The following NIN variants were observed in gnomAD, a reference collection of about 807,000 sequenced individuals.
NIN encodes glycogen synthase kinase 3 beta-interacting protein.
Under a neutral mutation model 257.6 loss-of-function variants are expected in NIN, and 137 were observed. That is an observed-to-expected ratio of 0.53 (90% confidence interval 0.46 to 0.61). The LOEUF is 0.61. Among genes scored for constraint, NIN ranks in the 20% least tolerant of loss-of-function variants. The pLI is 0.00. For synonymous variants in NIN, 918 were observed against 919.8 expected, an observed-to-expected ratio of 1.00 and a Z score of 0.04; for missense variants, 2,439 against 2,501.2, an observed-to-expected ratio of 0.98 and a Z score of 0.53.
In NIN at chr14:50,722,256, T is replaced by G. The variant is rs1263419849; in HGVS notation, c.*1207A>C. On this transcript the variant is annotated 3_prime_UTR_variant, in exon 31 of 31. Transcript: ENST00000530997. ...AAGTCCTATTTGGCACTCCTTGACC[T>G]CAGGTGGCATGCCAATGATTATCAC... The G allele has an allele frequency of 8.9e-6, 2 of 224,082 alleles. No individual in the cohort carries two copies. The highest frequency in any genetic ancestry group is 1.8e-5 in the Non-Finnish European group (2 of 112,434). The allele number at this position is 224,082 out of a possible 1,614,324, so 13.9% of individuals were successfully genotyped here. A position where few individuals can be genotyped will look rare whatever the true frequency, so the allele number is the denominator to read the frequency against.
intron 5 of NIN, among the ~76,000 whole-genome samples, chr14:50,786,067 C>A (rs1242860555): frequency 1.3e-5 from 2 of 152,212 alleles, no homozygotes; most frequent in African/African-American, 2.4e-5. Context: ...ACCTGCTACA[C>A]TGAAGGCTAA....
At chr14:50,774,361 C>CT (rs894743160) in intron 7 of NIN, among the ~76,000 whole-genome samples, 6 of 152,084 alleles carry the variant, frequency 3.9e-5, no homozygotes, top group African/African-American at 9.7e-5. Context: ...ATCTCAAATG[C>CT]TTTTTTTTCC....
chr14:50,772,606 C>T, intron 8 of NIN, 138 bp from the exon 9 acceptor site: 1 of 742,268 alleles, frequency 1.3e-6, no homozygotes, highest in East Asian at 2.7e-5. Context: ...TGCAGCCTCT[C>T]TGATCTCTGT....
At chr14:50,756,399 T>C (rs1338976263) in intron 18 of NIN, 93 bp downstream of exon 18, 39 of 1,316,766 alleles carry the variant, frequency 3.0e-5, no homozygotes, top group Non-Finnish European at 3.8e-5. Context: ...TGAAGACTAC[T>C]AGGTTAGTTT....
intron 27 of NIN, among the ~76,000 whole-genome samples, chr14:50,737,059 T>C (rs2041014423): frequency 6.6e-6 from 1 of 152,196 alleles, no homozygotes; most frequent in African/African-American, 2.4e-5. Flanking sequence ...CACACCCTTA[T>C]ACAGTCCTCT....
At position 50,760,245 on chromosome 14, in the gene NIN, C is replaced by T; in HGVS notation, c.2011G>A (p.Asp671Asn). ...AGTTCAGCAATTTCATTTTTAAGGT[C>T]ACTTATTTGTTTTTCTAAGGTGTGC... ...ETHTLEKQIS[D>N]LKNEIAELQG... The change falls in exon 17 of 31, where the codon GAC (aspartate) becomes AAC (asparagine). Residue 671 changes from aspartate to asparagine, a missense_variant. Coordinates refer to ENST00000530997, the MANE Select transcript of NIN (RefSeq NM_020921.4). 6.2e-7 allele frequency: 1 copy of T among 1,612,774 alleles called. No individual in the cohort carries two copies. Among genetic ancestry groups the T allele is most frequent in the Non-Finnish European group, 8.5e-7 (1 of 1,179,968 alleles).
At position 50,748,211 on chromosome 14, in the gene NIN, A is replaced by G. The variant is rs1187046650; in HGVS notation, c.4951-106T>C. On this transcript the variant is annotated intron_variant, in intron 21 of 30. Transcript: ENST00000530997. ...TTAAGGAAACAGTAATATGAACTCA[A>G]TGACACTGTTTTATGACCATTTTTT... 9.1e-6 allele frequency: 6 copies of G among 660,690 alleles called. No homozygotes were observed. In the East Asian group the frequency reaches 1.1e-4, roughly 12 times the overall value. 40.9% of individuals were successfully genotyped at this position (660,690 alleles called of 1,614,324 possible). A position where few individuals can be genotyped will look rare whatever the true frequency, so the allele number is the denominator to read the frequency against.
chr14:50,736,652 T>C (rs1015849470), intron 27 of NIN, among the ~76,000 whole-genome samples: 8 of 152,300 alleles, frequency 5.3e-5, no homozygotes, highest in African/African-American at 7.2e-5. Flanking sequence ...TCACAGACTT[T>C]TCTCCCCCTA....
chr14:50,778,769 C>T lies in NIN; in HGVS notation c.471G>A (p.Ala157=), dbSNP rs200517297. Residue 157 remains alanine (A), a synonymous_variant, in exon 6 of 31, where the codon GCG becomes GCA. Transcript: ENST00000530997. ...WKTQRSEEYE[A]EGQLRFWNPD... Reference sequence around the variant, plus strand: ...CCTGACACACTCGGCTCTTACCTTCCGCTTCATACTCCTCACTGCGTTGCG... The same window carrying T: ...CCTGACACACTCGGCTCTTACCTTCTGCTTCATACTCCTCACTGCGTTGCG... The T allele has an allele frequency of 5.1e-5, 83 of 1,613,992 alleles. No individual in the cohort carries two copies. The highest frequency in any genetic ancestry group is 8.3e-5 in the Admixed American group (5 of 59,994).
At chr14:50,731,020 G>A (rs1478781589) in intron 28 of NIN, 1 of 1,107,550 alleles carries the variant, frequency 9.0e-7, no homozygotes, top group East Asian at 4.9e-5. Flanking sequence ...ACAAAAAGAA[G>A]AGAAAATTAC....
At chr14:50,777,196 T>A in intron 6 of NIN, 57 bp from the exon 7 acceptor site, 1 of 1,341,238 alleles carries the variant, frequency 7.5e-7, no homozygotes, top group Non-Finnish European at 1.0e-6. Flanking sequence ...AGAGAGTGCC[T>A]ATTCTTAAAG....
At chr14:50,798,616 G>C (rs552811325) in intron 4 of NIN, among the ~76,000 whole-genome samples, 79 of 152,300 alleles carry the variant, frequency 5.2e-4, no homozygotes, top group Non-Finnish European at 4.7e-4. Context: ...TGCATCTATA[G>C]CCATTTTTGG....
chr14:50,759,983 A>G lies in NIN; in HGVS notation c.2273T>C (p.Leu758Ser). 6.2e-7 allele frequency: 1 copy of G among 1,614,130 alleles called. No individual in the cohort carries two copies. The highest frequency in any genetic ancestry group is 8.5e-7 in the Non-Finnish European group (1 of 1,180,022). ...SAWTEEKVRGLTQELEQFHQE... is the reference protein window; with the variant it reads ...SAWTEEKVRGSTQELEQFHQE... ...GTGAAACTGCTCTAGTTCCTGAGTC[A>G]AGCCTCTCACCTTCTCTTCTGTCCA... Residue 758 changes from leucine (L) to serine (S), a missense_variant, in exon 17 of 31, where the codon TTG (leucine) becomes TCG (serine). Physicochemically the swap from Leu to Ser is moderately radical, Grantham distance 145. This residue lies in a region of NIN where 2,043 missense variants were observed against 2,050.2 expected (regional missense o/e 1.00). Coordinates refer to ENST00000530997, the MANE Select transcript of NIN (RefSeq NM_020921.4).
chr14:50,731,709 C>T (rs978645593), intron 28 of NIN, among the ~76,000 whole-genome samples: 23 of 152,042 alleles, frequency 1.5e-4, no homozygotes, highest in Non-Finnish European at 3.2e-4. Flanking sequence ...GCCTGTAATC[C>T]CAGCTACCTG....
At position 50,821,010 on chromosome 14, in the gene NIN, C is replaced by T. The variant is rs147179716; in HGVS notation, c.183+864G>A. On this transcript the variant is annotated intron_variant, in intron 3 of 30. Coordinates refer to ENST00000530997, the MANE Select transcript of NIN (RefSeq NM_020921.4). ...CTCACAACTGCTTCCTCAATTTATA[C>T]GTGATAAAAACCAGAATGAAGCAAC... 4.6e-3 allele frequency among the ~76,000 whole-genome samples: 700 copies of T among 152,268 alleles called. 4 individuals carry two copies. Among genetic ancestry groups the T allele is most frequent in the Middle Eastern group, 0.014 (4 of 294 alleles).
rs199965650 is a variant in NIN, at chr14:50,754,843, C to G, written c.4563G>C (p.Gln1521His). ...TTTCATTTCTCAAAATAGAATTTTCCTGTTGAAGCTTTTCAGATTCATATC... is the reference window on the plus strand; with the variant it reads ...TTTCATTTCTCAAAATAGAATTTTCGTGTTGAAGCTTTTCAGATTCATATC... ...LLRYESEKLQ[Q>H]ENSILRNEIT... The change falls in exon 19 of 31, where the codon CAG (glutamine) becomes CAC (histidine). Residue 1521 changes from glutamine to histidine, a missense_variant. Gln to His is a conservative substitution (Grantham distance 24). Transcript: ENST00000530997. 1 of 1,574,194 alleles carries G rather than the reference C, an allele frequency of 6.4e-7. No individual in the cohort carries two copies.
chr14:50,809,402 T>C (rs756833551), intron 3 of NIN, among the ~76,000 whole-genome samples: 13 of 152,086 alleles, frequency 8.5e-5, no homozygotes, highest in Non-Finnish European at 1.5e-4. Flanking sequence ...TTTGCTATAT[T>C]TAGGGACCTG....
intron 2 of NIN, among the ~76,000 whole-genome samples, chr14:50,828,102 CAAA>C (rs34448875): frequency 5.8e-5 from 8 of 138,464 alleles, no homozygotes; most frequent in African/African-American, 1.3e-4. Context: ...ATGTTTGTTA[CAAA>C]AAAAAAAAAA....
intron 29 of NIN, among the ~76,000 whole-genome samples, chr14:50,728,969 C>A (rs10145951): frequency 0.25 from 38,267 of 152,228 alleles, 5,166 homozygotes; most frequent in Middle Eastern, 0.34. Context: ...GCAGGCTGCA[C>A]GGCTCTGGCA....
Sources: gnomAD v4.1 joint callset for allele counts (sites outside exome capture counted in the v4.1 genomes callset) on GRCh38, gnomAD v4.1.1 for gene constraint, gnomAD v4.1.1 regional missense constraint, MANE v1.5 for transcripts, NCBI Gene and HGNC (gene_info 2026-07-23, HGNC 2026-07-21) for gene names.